The following IQUB variants were observed in gnomAD, a reference collection of about 807,000 sequenced individuals.
IQUB encodes the protein IQ motif and ubiquitin-like domain-containing protein.
IQUB carries 86 observed loss-of-function variants against 86.4 expected under a neutral mutation model. The ratio of observed to expected loss-of-function variants is 1.00; its 90% CI spans 0.84 to 1.19. IQUB has a LOEUF of 1.19. Among genes scored for constraint, IQUB ranks in the 50% most tolerant of loss-of-function variants. The pLI is 0.00. For missense variants in IQUB, 946 were observed against 916.9 expected, an observed-to-expected ratio of 1.03 and a Z score of -0.41; for synonymous variants, 289 against 304.5, an observed-to-expected ratio of 0.95 and a Z score of 0.53.
intron 12 of IQUB, chr7:123,456,774 C>T (rs1793716264): frequency 6.6e-6 from 1 of 152,038 alleles, no homozygotes; most frequent in Non-Finnish European, 1.5e-5. Flanking sequence ...ATGTAAGTTA[C>T]TAAAATTACA....
chr7:123,514,984 CAT>C (rs1272320017), intron 1 of IQUB, among the ~76,000 whole-genome samples: 1 of 151,886 alleles, frequency 6.6e-6, no homozygotes, highest in African/African-American at 2.4e-5. Context: ...AAAACAGAAA[CAT>C]AGTTTTTAAA....
At chr7:123,499,222 T>C (rs1795838696) in intron 6 of IQUB, among the ~76,000 whole-genome samples, 1 of 152,090 alleles carries the variant, frequency 6.6e-6, no homozygotes, top group Non-Finnish European at 1.5e-5. Flanking sequence ...GTGATTCTCA[T>C]GCTTCCCCTC....
At chr7:123,456,923 G>A (rs899291870) in intron 12 of IQUB, among the ~76,000 whole-genome samples, 1 of 152,014 alleles carries the variant, frequency 6.6e-6, no homozygotes. Context: ...TTTGAGAGTT[G>A]GGTGTTTTTA....
chr7:123,483,954 CTATG>C (rs1185712011), intron 7 of IQUB, among the ~76,000 whole-genome samples: 2 of 152,040 alleles, frequency 1.3e-5, no homozygotes, highest in Non-Finnish European at 2.9e-5. Flanking sequence ...AAATCAGTCT[CTATG>C]CATTAGAAGA....
intron 2 of IQUB, among the ~76,000 whole-genome samples, chr7:123,511,652 T>C (rs1796418397): frequency 6.6e-6 from 1 of 152,220 alleles, no homozygotes; most frequent in Non-Finnish European, 1.5e-5. Flanking sequence ...TCCATCATTT[T>C]CCAAGGTGGT....
At position 123,479,872 on chromosome 7, in the gene IQUB, T is replaced by C. The variant is rs761069979; in HGVS notation, c.1333A>G (p.Ile445Val). The C allele has an allele frequency of 1.2e-6, 2 of 1,612,974 alleles. No individual in the cohort carries two copies. The highest frequency in any genetic ancestry group is 3.3e-5 in the Admixed American group (2 of 59,858). The change falls in exon 8 of 13, where the codon ATT becomes GTT. Residue 445 changes from isoleucine (I) to valine (V), a missense_variant. By Grantham distance (29) the Ile-to-Val change is conservative. Transcript: ENST00000324698. The stretch of plus-strand genomic sequence containing the variant: ...TATCTATGTCTCCCAATGGAAGCAA[T>C]TATCTGAGTCTCTTTTTCCAGAAGT... ...CELLEKETQI[I>V]ASIGRHRYIA...
intron 1 of IQUB, among the ~76,000 whole-genome samples, chr7:123,533,521 C>G (rs1421841167): frequency 1.3e-5 from 2 of 152,214 alleles, no homozygotes; most frequent in Non-Finnish European, 2.9e-5. Context: ...TAGGTAGTGA[C>G]ATTTATCAAT....
chr7:123,533,794 G>A (rs1471699731), intron 1 of IQUB, among the ~76,000 whole-genome samples: 1 of 152,138 alleles, frequency 6.6e-6, no homozygotes, highest in African/African-American at 2.4e-5. Context: ...ATGGGTAGAT[G>A]GAGGATTTTC....
intron 10 of IQUB, among the ~76,000 whole-genome samples, chr7:123,463,136 A>G (rs1336127126): frequency 6.6e-6 from 1 of 151,768 alleles, no homozygotes; most frequent in Non-Finnish European, 1.5e-5. Context: ...TAGATTCAAG[A>G]ACAAACTTTA....
chr7:123,482,688 T>C (rs372103357), intron 7 of IQUB, among the ~76,000 whole-genome samples: 135 of 152,216 alleles, frequency 8.9e-4, no homozygotes, highest in African/African-American at 3.2e-3. Context: ...CAAATGTCAG[T>C]CATGTACCTG....
chr7:123,486,431 C>T (rs1479350952), intron 7 of IQUB, among the ~76,000 whole-genome samples: 1 of 152,164 alleles, frequency 6.6e-6, no homozygotes. Context: ...GAGTGTTTAG[C>T]ACTTTACTTA....
In IQUB at chr7:123,529,477, G is replaced by GTT. The variant is rs74558576; in HGVS notation, c.-5+5013_-5+5014dup. On this transcript the variant is annotated intron_variant, in intron 1 of 12. Transcript: ENST00000324698. ...GATGGACATTTAAGCTGTCTCTAGT[G>GTT]TTTTTTTTTTGTTTTAATAGGATAA... 4.0e-3 allele frequency among the ~76,000 whole-genome samples: 587 copies of GTT among 147,902 alleles called. 3 individuals carry two copies. Among genetic ancestry groups the GTT allele is most frequent in the African/African-American group, 0.012 (476 of 40,248 alleles).
intron 7 of IQUB, among the ~76,000 whole-genome samples, chr7:123,481,532 C>A (rs941638316): frequency 6.6e-6 from 1 of 151,816 alleles, no homozygotes; most frequent in Non-Finnish European, 1.5e-5. Context: ...TGTAAGAAAC[C>A]CTGGGGAATT....
intron 1 of IQUB, among the ~76,000 whole-genome samples, chr7:123,521,494 T>C (rs1190224119): frequency 6.6e-6 from 1 of 151,944 alleles, no homozygotes; most frequent in East Asian, 1.9e-4. Context: ...AATACAAACT[T>C]AGCCGGGCAT....
At chr7:123,481,148 C>T (rs990272457) in intron 7 of IQUB, among the ~76,000 whole-genome samples, 1 of 152,028 alleles carries the variant, frequency 6.6e-6, no homozygotes, top group Admixed American at 6.6e-5. Flanking sequence ...AATTTGCCCG[C>T]CCTGGTTCTA....
rs1479173752 is a variant in IQUB, at chr7:123,502,733, T to C, written c.887A>G (p.Asn296Ser). 16 of 1,599,936 alleles carry C rather than the reference T, an allele frequency of 1.0e-5. No individual in the cohort carries two copies. The highest frequency in any genetic ancestry group is 1.7e-4 in the Middle Eastern group (1 of 5,868). ...TGTTGTATTTGTAGTTTGTTGGAGATTTTTTTTCTGAAAAACTGTCTAAAA... is the reference window on the plus strand; with the variant it reads ...TGTTGTATTTGTAGTTTGTTGGAGACTTTTTTTCTGAAAAACTGTCTAAAA... ...RDTQTVFQKK[N>S]LQQTTNTTST... Residue 296 changes from asparagine to serine, a missense_variant, in exon 6 of 13, where the codon AAT (asparagine) becomes AGT (serine). Asn to Ser is a conservative substitution (Grantham distance 46). Transcript: ENST00000324698.
chr7:123,468,735 T>C (rs138622855), intron 9 of IQUB, among the ~76,000 whole-genome samples: 22 of 152,336 alleles, frequency 1.4e-4, no homozygotes, highest in African/African-American at 4.8e-4. Context: ...TCCAACAAAC[T>C]TCCTGAATAT....
intron 1 of IQUB, among the ~76,000 whole-genome samples, chr7:123,513,292 C>T (rs1305208312): frequency 1.3e-5 from 2 of 151,900 alleles, no homozygotes; most frequent in Admixed American, 6.6e-5. Context: ...AGTGAATAAG[C>T]TATACAAGAT....
At chr7:123,505,607 C>A (rs1229120868) in intron 3 of IQUB, among the ~76,000 whole-genome samples, 1 of 152,190 alleles carries the variant, frequency 6.6e-6, no homozygotes, top group Non-Finnish European at 1.5e-5. Context: ...GCCCTTTTAG[C>A]CAGAGCAGGA....
Sources: allele counts gnomAD v4.1 joint callset (sites outside exome capture counted in the v4.1 genomes callset), GRCh38; gene constraint gnomAD v4.1.1; transcripts MANE v1.5; gene names NCBI Gene and HGNC (gene_info 2026-07-23, HGNC 2026-07-21).